Variants in MED14 observed in about 807,000 individuals in gnomAD.
The protein encoded by MED14 is mediator of RNA polymerase II transcription subunit 14.
Under a neutral mutation model 109.0 loss-of-function variants are expected in MED14, and 8 were observed. The observed-to-expected ratio is 0.07, with a 90% CI of 0.04 to 0.13. The LOEUF (loss-of-function observed/expected upper bound fraction) is 0.13, where lower values mean the gene tolerates loss of function less well. MED14 is among the 10% of genes least tolerant of loss of function. The pLI is 1.00. For missense variants in MED14, 711 were observed against 1,142.4 expected (o/e 0.62, Z 5.44); for synonymous variants, 399 against 408.7 (o/e 0.98, Z 0.29).
In MED14 at chrX:40,709,727, T is replaced by C. The variant is rs1346462829; in HGVS notation, c.1173+252A>G. ...TTACAAATCAGTTATGGTGCTCTAA[T>C]GCCAGACCTTAAAATTAAAATGGTA... On this transcript the variant is annotated intron_variant, in intron 9 of 30. Transcript: ENST00000324817. Among the ~76,000 whole-genome samples the C allele has an allele frequency of 3.6e-5, 4 of 111,746 alleles. No homozygotes were observed. In the Admixed American group the frequency reaches 3.8e-4, roughly 11 times the overall value.
Position 40,669,668 on chromosome X carries a change from C to A in MED14, c.3133+2193G>T, listed in dbSNP as rs190106635. ...AAATCCAACAATGGCTTCCTATTTA[C>A]CCATACAATAAAGGCCAAAATTGTT... On this transcript the variant is annotated intron_variant, in intron 23 of 30. Transcript: ENST00000324817. Among the ~76,000 whole-genome samples, 5 of 112,080 alleles carry A rather than the reference C, an allele frequency of 4.5e-5. No homozygotes were observed. The East Asian group carries it at 1.4e-3, about 31-fold the overall frequency.
Position 40,650,392 on chromosome X carries a change from G to A in MED14, c.*1414C>T, listed in dbSNP as rs1400230909. On this transcript the variant is annotated 3_prime_UTR_variant, in exon 31 of 31. Coordinates refer to ENST00000324817, the MANE Select transcript of MED14 (RefSeq NM_004229.4). ...TACTTGAAACTAGAATTTGATAGTT[G>A]ATAGTTATAGAAGCTCAATTAAATC... is the stretch of plus-strand genomic sequence containing the variant. The A allele has an allele frequency of 4.0e-6, 3 of 749,382 alleles. No individual in the cohort carries two copies. In the African/African-American group the frequency reaches 6.9e-5, roughly 17 times the overall value. 61.8% of individuals were successfully genotyped at this position (749,382 alleles called of 1,213,427 possible). A position where few individuals can be genotyped will look rare whatever the true frequency, so the allele number is the denominator to read the frequency against.
intron 16 of MED14, among the ~76,000 whole-genome samples, chrX:40,687,747 A>G (rs1569287437): frequency 9.0e-6 from 1 of 111,526 alleles, no homozygotes; most frequent in Non-Finnish European, 1.9e-5. Context: ...CAGTCCAAGT[A>G]TAACTGGTAC....
chrX:40,653,198 AT>A (rs949293804), intron 30 of MED14, among the ~76,000 whole-genome samples: 2 of 111,971 alleles, frequency 1.8e-5, no homozygotes, highest in African/African-American at 6.5e-5. Flanking sequence ...AATGGTGTTT[AT>A]TATCAAGGTT....
chrX:40,681,712 C>A, intron 19 of MED14, 140 bp downstream of exon 19: 1 of 391,653 alleles, frequency 2.6e-6, no homozygotes. Context: ...TATTTATAGC[C>A]ACAAAGCATT....
At chrX:40,683,097 C>T (rs1930180218) in intron 16 of MED14, 101 bp from the exon 17 acceptor site, 4 of 671,921 alleles carry the variant, frequency 6.0e-6, no homozygotes, top group East Asian at 3.3e-5. Flanking sequence ...GTTCAAACTC[C>T]ACTTCTAGAT....
At chrX:40,662,223 AT>A (rs1199223456) in intron 26 of MED14, among the ~76,000 whole-genome samples, 1 of 109,794 alleles carries the variant, frequency 9.1e-6, no homozygotes, top group Non-Finnish European at 1.9e-5. Context: ...TTTTCTTCAA[AT>A]TTTTTTTCTC....
chrX:40,729,324 C>T lies in MED14; in HGVS notation c.237G>A (p.Val79=). Residue 79 remains valine, a synonymous_variant, in exon 2 of 31, where the codon GTG becomes GTA. Coordinates refer to ENST00000324817, the MANE Select transcript of MED14 (RefSeq NM_004229.4). ...TTTTTTTTTTCCATACTCACCTTTCCACATCAGATTTCCTTGGCAGTCTAA... is the reference window on the plus strand; with the variant it reads ...TTTTTTTTTTCCATACTCACCTTTCTACATCAGATTTCCTTGGCAGTCTAA... ...LTDLLPRKSD[V]ERKIEIVQFA... 2 of 1,192,679 alleles carry T rather than the reference C, an allele frequency of 1.7e-6. No individual in the cohort carries two copies. The highest frequency in any genetic ancestry group is 3.7e-5 in the South Asian group (2 of 53,964).
chrX:40,657,830 C>T (rs1304585093), intron 28 of MED14, among the ~76,000 whole-genome samples: 3 of 112,010 alleles, frequency 2.7e-5, no homozygotes, highest in Admixed American at 9.5e-5. Context: ...CTCACTCGGT[C>T]GTCCAGGTTG....
At chrX:40,654,591 ACAT>A (rs745775710) in intron 29 of MED14, 35 bp from the exon 30 acceptor site, 6 of 1,129,787 alleles carry the variant, frequency 5.3e-6, no homozygotes, top group Non-Finnish European at 7.3e-6. Context: ...GAGAATAAAA[ACAT>A]CATAAAACAT....
Position 40,650,005 on chromosome X carries a change from T to C in MED14, c.*1801A>G. 1 of 743,578 alleles carries C rather than the reference T, an allele frequency of 1.3e-6. No individual in the cohort carries two copies. Among genetic ancestry groups the C allele is most frequent in the Non-Finnish European group, 1.6e-6 (1 of 629,215 alleles). 61.3% of individuals were successfully genotyped at this position (743,578 alleles called of 1,213,427 possible). On this transcript the variant is annotated 3_prime_UTR_variant, in exon 31 of 31. Transcript: ENST00000324817. ...AAAAAGTTAACTCTTAATAAAATTA[T>C]TTGAAACAATATTATCCTGCAGATA...
chrX:40,651,924 A>C (rs759231984), intron 30 of MED14, 45 bp from the exon 31 acceptor site: 9 of 1,137,267 alleles, frequency 7.9e-6, no homozygotes, highest in Non-Finnish European at 8.2e-6. Flanking sequence ...AACACAGGAA[A>C]GATGTTAACA....
intron 13 of MED14, among the ~76,000 whole-genome samples, chrX:40,696,814 G>A (rs1372159876): frequency 1.8e-5 from 2 of 111,498 alleles, no homozygotes; most frequent in Non-Finnish European, 3.8e-5. Flanking sequence ...CTCATCACAG[G>A]ACAGACCCTA....
At chrX:40,730,958 C>G (rs5918033) in intron 1 of MED14, among the ~76,000 whole-genome samples, 31,027 of 106,662 alleles carry the variant, frequency 0.29, 4,253 homozygotes, top group African/African-American at 0.52. Flanking sequence ...TGGGACCAGC[C>G]TGGGCACACA....
intron 13 of MED14, among the ~76,000 whole-genome samples, chrX:40,693,603 C>G (rs958329737): frequency 2.7e-5 from 3 of 111,271 alleles, no homozygotes; most frequent in African/African-American, 6.5e-5. Flanking sequence ...CCAAAACAGA[C>G]TAATACAGTC....
intron 11 of MED14, among the ~76,000 whole-genome samples, chrX:40,702,994 T>G (rs1175748172): frequency 1.8e-5 from 2 of 112,097 alleles, no homozygotes; most frequent in Non-Finnish European, 3.8e-5. Flanking sequence ...TAATTTCTAC[T>G]GTGTTTAGGC....
At chrX:40,662,006 G>A (rs1929297119) in intron 26 of MED14, among the ~76,000 whole-genome samples, 1 of 109,730 alleles carries the variant, frequency 9.1e-6, no homozygotes, top group South Asian at 4.0e-4. Flanking sequence ...TGGGATTATA[G>A]GTGCGCACCA....
chrX:40,735,898 G>C (rs913829203), upstream of MED14: 232 of 267,137 alleles, frequency 8.7e-4, 1 homozygote, highest in Non-Finnish European at 1.5e-3. Flanking sequence ...GCCGCGCGCC[G>C]CCGGAAACCA....
intron 12 of MED14, among the ~76,000 whole-genome samples, chrX:40,699,626 G>C (rs1471211209): frequency 3.6e-5 from 4 of 112,032 alleles, no homozygotes; most frequent in African/African-American, 1.3e-4. Context: ...TGGGCAGCTA[G>C]AACTGCCAGA....
Sources: gnomAD v4.1 joint callset for allele counts (sites outside exome capture counted in the v4.1 genomes callset) on GRCh38, gnomAD v4.1.1 for gene constraint, MANE v1.5 for transcripts, NCBI Gene and HGNC (gene_info 2026-07-23, HGNC 2026-07-21) for gene names.